SCN3B: variants seen among roughly 807,000 people sequenced by gnomAD.
SCN3B encodes the protein sodium channel regulatory subunit beta-3.
Under a neutral mutation model 25.4 loss-of-function variants are expected in SCN3B, and 11 were observed. The observed-to-expected ratio is 0.43, with a 90% CI of 0.27 to 0.72. The LOEUF is 0.72. SCN3B is among the 30% of genes least tolerant of loss of function. The probability of loss-of-function intolerance (pLI) is 0.18; values close to 1 mark genes in which losing one functional copy is unlikely to be tolerated. For missense variants in SCN3B, 218 were observed against 278.3 expected (o/e 0.78, Z 1.54); for synonymous variants, 109 against 110.7 (o/e 0.99, Z 0.09).
chr11:123,644,840 T>TATATAC (rs1257008951), intron 3 of SCN3B, among the ~76,000 whole-genome samples: 276 of 124,478 alleles, frequency 2.2e-3, no homozygotes, highest in South Asian at 2.9e-3. Context: ...TATATATATA[T>TATATAC]ACACACACAC....
chr11:123,642,422 A>G lies in SCN3B; in HGVS notation c.445+24T>C. On this transcript the variant is annotated intron_variant, in intron 4 of 6. Coordinates refer to ENST00000299333, the MANE Select transcript of SCN3B (RefSeq NM_001040151.2). The surrounding 1 kb of genome is among the most constrained non-coding windows in gnomAD (Gnocchi z 4.3). ...CTGTCCACAGAGAGCAGGACGCCCT[A>G]GAGACCCTGTGCCTCAGCCTCACCC... 6.2e-7 allele frequency: 1 copy of G among 1,610,724 alleles called. No homozygotes were observed. The highest frequency in any genetic ancestry group is 2.2e-5 in the East Asian group (1 of 44,864).
intron 4 of SCN3B, chr11:123,640,481 A>C (rs1212171927): frequency 2.1e-5 from 3 of 144,696 alleles, no homozygotes; most frequent in African/African-American, 7.7e-5. Context: ...CGTAGCTCTG[A>C]GCAAGATGAG....
At chr11:123,647,078 T>C (rs1955861906) in intron 2 of SCN3B, among the ~76,000 whole-genome samples, 1 of 151,982 alleles carries the variant, frequency 6.6e-6, no homozygotes, top group Non-Finnish European at 1.5e-5. Context: ...AAGAAAAAAA[T>C]AAGTTTAATG....
At chr11:123,646,354 CATGAGG>C (rs1388820372) in intron 2 of SCN3B, among the ~76,000 whole-genome samples, 1 of 152,206 alleles carries the variant, frequency 6.6e-6, no homozygotes, top group African/African-American at 2.4e-5. Flanking sequence ...GATGGTGAAA[CATGAGG>C]CTAGAAAGGT....
intron 5 of SCN3B, among the ~76,000 whole-genome samples, chr11:123,636,419 A>G (rs1276985975): frequency 1.3e-5 from 2 of 152,176 alleles, no homozygotes; most frequent in African/African-American, 4.8e-5. Flanking sequence ...GTCTTCACCT[A>G]GGATTTCCAA....
chr11:123,644,768 A>T (rs1168154010), intron 3 of SCN3B, among the ~76,000 whole-genome samples: 2 of 99,100 alleles, frequency 2.0e-5, no homozygotes, highest in African/African-American at 7.2e-5. Context: ...GACCCCGTTG[A>T]GAGAGAGAGA....
At chr11:123,647,601 A>T (rs575837345) in intron 2 of SCN3B, among the ~76,000 whole-genome samples, 1 of 152,350 alleles carries the variant, frequency 6.6e-6, no homozygotes, top group South Asian at 2.1e-4. Flanking sequence ...AAAAAAAGAA[A>T]TAATACACAC....
chr11:123,648,595 A>G (rs1955882970), intron 2 of SCN3B, among the ~76,000 whole-genome samples: 1 of 150,920 alleles, frequency 6.6e-6, no homozygotes, highest in Non-Finnish European at 1.5e-5. Flanking sequence ...AAGTGCTGTG[A>G]GAAAAAATAA....
At chr11:123,640,683 T>TCTC (rs1036603931) in intron 4 of SCN3B, 2 of 151,858 alleles carry the variant, frequency 1.3e-5, no homozygotes, top group African/African-American at 4.8e-5. Flanking sequence ...AGAACTCTGT[T>TCTC]CTCCCAGCCA....
At chr11:123,647,718 T>C (rs893238423) in intron 2 of SCN3B, among the ~76,000 whole-genome samples, 3 of 152,240 alleles carry the variant, frequency 2.0e-5, no homozygotes, top group Non-Finnish European at 2.9e-5. Context: ...AATAAGACAC[T>C]GCCATAAATT....
At position 123,631,407 on chromosome 11, in the gene SCN3B, A is replaced by G. The variant is rs1955671042; in HGVS notation, c.*2392T>C. On this transcript the variant is annotated 3_prime_UTR_variant, in exon 7 of 7. Transcript: ENST00000299333. ...CACTGAGGCCAATTTTTCTAACTATAAAGTTAAAAAGGTCTATATCCTCTC... is the reference window on the plus strand; with the variant it reads ...CACTGAGGCCAATTTTTCTAACTATGAAGTTAAAAAGGTCTATATCCTCTC... The G allele has an allele frequency of 6.6e-6, 1 of 152,196 alleles. No homozygotes were observed. The highest frequency in any genetic ancestry group is 2.4e-5 in the African/African-American group (1 of 41,438). The allele number at this position is 152,196 out of a possible 1,614,324, so 9.4% of individuals were successfully genotyped here.
intron 5 of SCN3B, among the ~76,000 whole-genome samples, chr11:123,634,874 A>G (rs1377387745): frequency 1.3e-5 from 2 of 152,058 alleles, no homozygotes; most frequent in Admixed American, 1.3e-4. Flanking sequence ...TCTTTTTCTC[A>G]TTGATTTTCC....
chr11:123,644,805 ATATATATATATATATATAT>A (rs1282740083), intron 3 of SCN3B, among the ~76,000 whole-genome samples: 1 of 36,648 alleles, frequency 2.7e-5, no homozygotes, highest in African/African-American at 2.0e-4. Context: ...GAGAGAATAT[ATATATATATATATATATAT>A]ATATATATAT....
chr11:123,652,999 G>T (rs927717530), intron 2 of SCN3B, among the ~76,000 whole-genome samples: 1 of 152,164 alleles, frequency 6.6e-6, no homozygotes, highest in South Asian at 2.1e-4. Context: ...TGTTCCAAGT[G>T]TAAGATTCCC....
rs1473620360 is a variant in SCN3B, at chr11:123,631,575, C to T, written c.*2224G>A. On this transcript the variant is annotated 3_prime_UTR_variant, in exon 7 of 7. Transcript: ENST00000299333. ...AGGCACAGTTGCTCAGGCCTGTAAT[C>T]CCAGCACTTTGAGAGGCTGAGGCTG... 2 of 152,164 alleles carry T rather than the reference C, an allele frequency of 1.3e-5. No individual in the cohort carries two copies. The highest frequency in any genetic ancestry group is 4.8e-5 in the African/African-American group (2 of 41,432). 9.4% of individuals were successfully genotyped at this position (152,164 alleles called of 1,614,324 possible). A position where few individuals can be genotyped will look rare whatever the true frequency, so the allele number is the denominator to read the frequency against.
Position 123,629,323 on chromosome 11 carries a change from G to A in SCN3B, c.*4476C>T, listed in dbSNP as rs1313276982. The A allele has an allele frequency of 1.3e-5, 2 of 152,216 alleles. No homozygotes were observed. Among genetic ancestry groups the A allele is most frequent in the African/African-American group, 4.8e-5 (2 of 41,442 alleles). The allele number at this position is 152,216 out of a possible 1,614,324, so 9.4% of individuals were successfully genotyped here. ...GATTGTGTTCGATGGCAGTTCACAAGCCTGCAAGCACTCGGCCTTCAGCGG... is the reference window on the plus strand; with the variant it reads ...GATTGTGTTCGATGGCAGTTCACAAACCTGCAAGCACTCGGCCTTCAGCGG... On this transcript the variant is annotated 3_prime_UTR_variant, in exon 7 of 7. Coordinates refer to ENST00000299333, the MANE Select transcript of SCN3B (RefSeq NM_001040151.2).
chr11:123,647,979 G>C (rs951906008), intron 2 of SCN3B, among the ~76,000 whole-genome samples: 1 of 152,222 alleles, frequency 6.6e-6, no homozygotes, highest in African/African-American at 2.4e-5. Flanking sequence ...AGGGAGAACT[G>C]ATCAGAAACA....
At chr11:123,639,519 G>A (rs916645173) in intron 4 of SCN3B, 2 of 152,188 alleles carry the variant, frequency 1.3e-5, no homozygotes, top group Non-Finnish European at 1.5e-5. Context: ...TGACATTACA[G>A]GCACCCACCA....
intron 3 of SCN3B, among the ~76,000 whole-genome samples, chr11:123,644,792 AGAGAGAG>A (rs1955829268): frequency 4.9e-5 from 4 of 81,588 alleles, no homozygotes; most frequent in Non-Finnish European, 7.1e-5. Flanking sequence ...AGAGAGAGAG[AGAGAGAG>A]AATATATATA....
Sources: allele counts gnomAD v4.1 joint callset (sites outside exome capture counted in the v4.1 genomes callset), GRCh38; gene constraint gnomAD v4.1.1; non-coding constraint Gnocchi (gnomAD v3.1); transcripts MANE v1.5; gene names NCBI Gene and HGNC (gene_info 2026-07-23, HGNC 2026-07-21).